Variants in SNX29 observed in about 807,000 individuals in gnomAD.
SNX29 encodes sorting nexin 29.
SNX29 carries 78 observed loss-of-function variants against 102.1 expected under a neutral mutation model. The ratio of observed to expected loss-of-function variants is 0.76; its 90% CI spans 0.64 to 0.92. The LOEUF is 0.92. Among genes scored for constraint, SNX29 ranks in the 40% least tolerant of loss-of-function variants. The probability of loss-of-function intolerance (pLI) is 0.00; values close to 1 mark genes in which losing one functional copy is unlikely to be tolerated. For synonymous variants in SNX29, 580 were observed against 414.5 expected (o/e 1.40, Z -4.85); for missense variants, 1,280 against 1,061.7 (o/e 1.21, Z -2.86).
intron 10 of SNX29, among the ~76,000 whole-genome samples, chr16:12,078,379 G>T (rs979406118): frequency 6.6e-6 from 1 of 152,120 alleles, no homozygotes; most frequent in Admixed American, 6.5e-5. Flanking sequence ...GGAGGCTGAG[G>T]CACAAGAATC....
chr16:12,167,582 GTAA>G (rs2076046105), intron 13 of SNX29, among the ~76,000 whole-genome samples: 2 of 152,148 alleles, frequency 1.3e-5, no homozygotes, highest in African/African-American at 2.4e-5. Flanking sequence ...CCACCATTAA[GTAA>G]TGATGATTAT....
At chr16:12,416,772 C>G (rs1292239257) in intron 18 of SNX29, among the ~76,000 whole-genome samples, 1 of 152,106 alleles carries the variant, frequency 6.6e-6, no homozygotes, top group Admixed American at 6.5e-5. Context: ...ATCCCAACCA[C>G]CAGCCCTCAC....
chr16:12,559,015 C>CA (rs567860904), intron 20 of SNX29, among the ~76,000 whole-genome samples: 5 of 152,162 alleles, frequency 3.3e-5, no homozygotes, highest in East Asian at 1.9e-4. Flanking sequence ...GGGAGAGAGA[C>CA]AAAAGACTCC....
intron 11 of SNX29, among the ~76,000 whole-genome samples, chr16:12,099,266 A>G (rs929045662): frequency 4.6e-5 from 7 of 152,332 alleles, no homozygotes; most frequent in African/African-American, 1.4e-4. Flanking sequence ...TGGTCAGCTC[A>G]GCACTAAACC....
chr16:12,224,970 C>T (rs941776986), intron 14 of SNX29, among the ~76,000 whole-genome samples: 4 of 152,216 alleles, frequency 2.6e-5, no homozygotes, highest in African/African-American at 9.6e-5. Flanking sequence ...CATAGATGCT[C>T]TGCTCTGTTC....
intron 16 of SNX29, among the ~76,000 whole-genome samples, chr16:12,371,079 C>G (rs2082664619): frequency 6.6e-6 from 1 of 152,188 alleles, no homozygotes; most frequent in Non-Finnish European, 1.5e-5. Context: ...GATCAGAGTT[C>G]AGATGGTGTT....
intron 19 of SNX29, among the ~76,000 whole-genome samples, chr16:12,503,340 C>T (rs2151898721): frequency 6.6e-6 from 1 of 152,220 alleles, no homozygotes; most frequent in East Asian, 1.9e-4. Flanking sequence ...GCTCCAGGTG[C>T]AGTCTAGGTG....
intron 20 of SNX29, among the ~76,000 whole-genome samples, chr16:12,560,139 C>CG (rs940806049): frequency 3.9e-4 from 21 of 53,576 alleles, no homozygotes; most frequent in South Asian, 9.3e-4. Flanking sequence ...TTCCCCTCCC[C>CG]CCCCCAACAA....
At chr16:12,550,570 T>C (rs539844591) in intron 20 of SNX29, among the ~76,000 whole-genome samples, 106 of 150,514 alleles carry the variant, frequency 7.0e-4, no homozygotes, top group African/African-American at 2.4e-3. Flanking sequence ...TATGAGGATA[T>C]ATACTTCCAC....
intron 15 of SNX29, among the ~76,000 whole-genome samples, chr16:12,306,414 C>T (rs1175434160): frequency 2.0e-5 from 3 of 151,886 alleles, no homozygotes; most frequent in Non-Finnish European, 4.4e-5. Flanking sequence ...GAACAATGTC[C>T]TCCAGTATAA....
intron 20 of SNX29, among the ~76,000 whole-genome samples, chr16:12,547,573 C>A (rs2077687580): frequency 2.0e-5 from 3 of 152,038 alleles, no homozygotes; most frequent in Admixed American, 2.0e-4. Context: ...ATCCCCCTCC[C>A]TCACGAGGAT....
chr16:12,357,542 AC>A (rs1262991652), intron 16 of SNX29, among the ~76,000 whole-genome samples: 3 of 152,166 alleles, frequency 2.0e-5, no homozygotes, highest in Non-Finnish European at 2.9e-5. Flanking sequence ...GGTAAAATAT[AC>A]CTAACATAAC....
intron 18 of SNX29, among the ~76,000 whole-genome samples, chr16:12,476,309 G>A (rs1406929439): frequency 5.3e-5 from 6 of 113,310 alleles, no homozygotes; most frequent in African/African-American, 1.3e-4. Context: ...GTGAGACTTC[G>A]TCTCAAAAAA....
At chr16:12,553,786 C>T (rs1340237952) in intron 20 of SNX29, among the ~76,000 whole-genome samples, 5 of 152,020 alleles carry the variant, frequency 3.3e-5, no homozygotes, top group Non-Finnish European at 7.4e-5. Flanking sequence ...CAGGGTTTCA[C>T]CATGTTGGTC....
intron 16 of SNX29, among the ~76,000 whole-genome samples, chr16:12,385,755 G>A (rs568026805): frequency 6.6e-6 from 1 of 152,350 alleles, no homozygotes; most frequent in East Asian, 1.9e-4. Context: ...AAGACCTGAC[G>A]AGATGCCACT....
intron 18 of SNX29, among the ~76,000 whole-genome samples, chr16:12,429,821 G>A (rs955051736): frequency 1.3e-5 from 2 of 152,174 alleles, no homozygotes; most frequent in Admixed American, 6.5e-5. Flanking sequence ...TAGAGGAGCC[G>A]GTAGCAGTGT....
intron 20 of SNX29, among the ~76,000 whole-genome samples, chr16:12,555,411 C>T (rs749569018): frequency 3.3e-5 from 5 of 152,074 alleles, no homozygotes; most frequent in Admixed American, 6.6e-5. Context: ...GGCTGCTGGC[C>T]CCTCAGGTTG....
At chr16:12,487,440 A>G (rs534771631) in intron 19 of SNX29, among the ~76,000 whole-genome samples, 6 of 152,264 alleles carry the variant, frequency 3.9e-5, no homozygotes, top group African/African-American at 1.4e-4. Context: ...CTCCATATAA[A>G]GTGTTTATAG....
In SNX29 at chr16:12,571,072, A is replaced by C. The variant is rs3826103; in HGVS notation, c.*2443A>C. ...CACTCTAAAAATGCTGGTGGCCCGC[A>C]CATGACAGCAACTCCCCGAAGCCTT... On this transcript the variant is annotated 3_prime_UTR_variant, in exon 21 of 21. Transcript: ENST00000566228. 135,015 of 232,256 alleles carry C rather than the reference A, an allele frequency of 0.58. 40,070 individuals carry two copies. Among genetic ancestry groups the C allele is most frequent in the African/African-American group, 0.65 (29,634 of 45,310 alleles). 14.4% of individuals were successfully genotyped at this position (232,256 alleles called of 1,614,324 possible).
Sources: gnomAD v4.1 joint callset for allele counts (sites outside exome capture counted in the v4.1 genomes callset) on GRCh38, gnomAD v4.1.1 for gene constraint, MANE v1.5 for transcripts, NCBI Gene and HGNC (gene_info 2026-07-23, HGNC 2026-07-21) for gene names.